The following EXOC4 variants were observed in gnomAD, a reference collection of about 807,000 sequenced individuals.
EXOC4 encodes the protein SEC8-like 1.
In EXOC4, 71 loss-of-function variants were observed where a neutral mutation model predicts 107.2. The ratio of observed to expected loss-of-function variants is 0.66; its 90% CI spans 0.55 to 0.81. EXOC4 has a LOEUF of 0.81. Among genes scored for constraint, EXOC4 ranks in the 30% least tolerant of loss-of-function variants. The pLI is 0.00. For missense variants in EXOC4, 1,108 were observed against 1,189.6 expected (o/e 0.93, Z 1.01); for synonymous variants, 456 against 441.2 (o/e 1.03, Z -0.42).
intron 13 of EXOC4, among the ~76,000 whole-genome samples, chr7:133,918,729 CCT>C (rs1799867843): frequency 1.1e-5 from 1 of 87,176 alleles, no homozygotes; most frequent in African/African-American, 1.4e-4. Context: ...AACATTTTCA[CCT>C]CTGTCACTTA....
chr7:133,498,190 G>T (rs1019013988), intron 9 of EXOC4, among the ~76,000 whole-genome samples: 1 of 152,126 alleles, frequency 6.6e-6, no homozygotes, highest in Admixed American at 6.5e-5. Context: ...AACCTGAAAG[G>T]CATCCTTGAC....
intron 17 of EXOC4, among the ~76,000 whole-genome samples, chr7:134,022,111 T>TA (rs1383349718): frequency 2.0e-5 from 3 of 147,914 alleles, no homozygotes; most frequent in African/African-American, 8.0e-5. Flanking sequence ...GTGAAAAACA[T>TA]AAAGTAATTA....
chr7:133,741,545 T>A (rs2151128823), intron 10 of EXOC4, among the ~76,000 whole-genome samples: 1 of 152,286 alleles, frequency 6.6e-6, no homozygotes, highest in African/African-American at 2.4e-5. Flanking sequence ...AAAGCCTAGG[T>A]CGTATCTGGC....
At chr7:133,412,049 A>C (rs893624996) in intron 7 of EXOC4, among the ~76,000 whole-genome samples, 1 of 152,024 alleles carries the variant, frequency 6.6e-6, no homozygotes, top group Non-Finnish European at 1.5e-5. Context: ...TTTACTTCTA[A>C]GTGTGGCTTT....
intron 10 of EXOC4, among the ~76,000 whole-genome samples, chr7:133,743,617 T>C (rs1004857786): frequency 1.3e-5 from 2 of 151,594 alleles, no homozygotes; most frequent in Admixed American, 6.6e-5. Context: ...GTTTGGAAAC[T>C]AGATGCCATC....
At chr7:133,788,413 T>C (rs1158093187) in intron 10 of EXOC4, among the ~76,000 whole-genome samples, 1 of 151,900 alleles carries the variant, frequency 6.6e-6, no homozygotes, top group Non-Finnish European at 1.5e-5. Context: ...AAACTACTCC[T>C]CCTATTGTCT....
chr7:133,688,566 G>A (rs1230872155), intron 10 of EXOC4, among the ~76,000 whole-genome samples: 1 of 152,166 alleles, frequency 6.6e-6, no homozygotes, highest in Non-Finnish European at 1.5e-5. Context: ...GAAGCTTGTG[G>A]AGCTAGAAGA....
intron 9 of EXOC4, among the ~76,000 whole-genome samples, chr7:133,604,749 A>T (rs1473764787): frequency 2.8e-5 from 2 of 72,584 alleles, no homozygotes; most frequent in African/African-American, 5.3e-5. Flanking sequence ...TTTGAGGCAG[A>T]GTCTCTCTCT....
intron 15 of EXOC4, among the ~76,000 whole-genome samples, chr7:133,998,571 A>G (rs1794451211): frequency 6.6e-6 from 1 of 152,132 alleles, no homozygotes; most frequent in Non-Finnish European, 1.5e-5. Flanking sequence ...AGGCTGATGA[A>G]CAAGCTGGGT....
At chr7:133,443,872 C>T (rs1339559507) in intron 7 of EXOC4, among the ~76,000 whole-genome samples, 1 of 152,126 alleles carries the variant, frequency 6.6e-6, no homozygotes, top group East Asian at 1.9e-4. Flanking sequence ...TAAGAAGCAC[C>T]TGTGTTGGAA....
chr7:133,531,074 T>A (rs1182320764), intron 9 of EXOC4, among the ~76,000 whole-genome samples: 1 of 152,088 alleles, frequency 6.6e-6, no homozygotes, highest in Non-Finnish European at 1.5e-5. Context: ...CAAATACTTC[T>A]TCAGATATGT....
intron 10 of EXOC4, among the ~76,000 whole-genome samples, chr7:133,694,076 C>T (rs1794479178): frequency 6.6e-6 from 1 of 151,852 alleles, no homozygotes; most frequent in Admixed American, 6.6e-5. Context: ...CCATCCTGGC[C>T]AACATGGTGA....
chr7:133,635,166 A>G (rs1224146071), intron 10 of EXOC4, among the ~76,000 whole-genome samples: 1 of 152,162 alleles, frequency 6.6e-6, no homozygotes, highest in African/African-American at 2.4e-5. Flanking sequence ...CATGGTAGTT[A>G]TTAACCATGA....
chr7:134,030,222 G>GGTAT (rs2116470964), intron 17 of EXOC4, among the ~76,000 whole-genome samples: 1 of 152,258 alleles, frequency 6.6e-6, no homozygotes, highest in South Asian at 2.1e-4. Flanking sequence ...TGCCCTCCTA[G>GGTAT]GTATATACCC....
At chr7:133,628,280 C>T (rs1439750298) in intron 9 of EXOC4, among the ~76,000 whole-genome samples, 1 of 152,142 alleles carries the variant, frequency 6.6e-6, no homozygotes, top group Non-Finnish European at 1.5e-5. Context: ...ACAAAGCTTG[C>T]TAACTGAACA....
intron 9 of EXOC4, among the ~76,000 whole-genome samples, chr7:133,486,732 T>G (rs1183208855): frequency 6.6e-6 from 1 of 152,164 alleles, no homozygotes; most frequent in Non-Finnish European, 1.5e-5. Context: ...GTTTAAAAAT[T>G]GATTCCCCTT....
At chr7:133,962,014 CT>C (rs980374162) in intron 14 of EXOC4, among the ~76,000 whole-genome samples, 1 of 152,222 alleles carries the variant, frequency 6.6e-6, no homozygotes, top group African/African-American at 2.4e-5. Flanking sequence ...GGATTTAAAG[CT>C]GTACAGTCAA....
intron 9 of EXOC4, among the ~76,000 whole-genome samples, chr7:133,525,894 G>T (rs753801961): frequency 1.3e-5 from 2 of 152,168 alleles, no homozygotes; most frequent in African/African-American, 4.8e-5. Flanking sequence ...CCCCTCTAAG[G>T]TCATGCCCTT....
At position 134,022,195 on chromosome 7, in the gene EXOC4, GTTAAC is replaced by G. The variant is rs373612453; in HGVS notation, c.2687+14363_2687+14367del. Among the ~76,000 whole-genome samples the G allele has an allele frequency of 3.7e-4, 57 of 152,252 alleles. No individual in the cohort carries two copies. The Middle Eastern group carries it at 0.01, about 27-fold the overall frequency. On this transcript the variant is annotated intron_variant, in intron 17 of 17. Transcript: ENST00000253861. ...ATGTGTGTGGCAGTCTGTTTCTTTTGTTAACTTTAATTATACAACATATGAGAATT... is the reference window on the plus strand; with the variant it reads ...ATGTGTGTGGCAGTCTGTTTCTTTTGTTTAATTATACAACATATGAGAATT...
Sources: allele counts gnomAD v4.1 joint callset (sites outside exome capture counted in the v4.1 genomes callset), GRCh38; gene constraint gnomAD v4.1.1; transcripts MANE v1.5; gene names NCBI Gene and HGNC (gene_info 2026-07-23, HGNC 2026-07-21).